Variants in ITGA9 observed in about 807,000 individuals in gnomAD.
ITGA9 encodes integrin subunit alpha 9.
A neutral mutation model predicts 127.8 loss-of-function variants in ITGA9; 56 were observed. The ratio of observed to expected loss-of-function variants is 0.44; its 90% CI spans 0.35 to 0.55. ITGA9 has a LOEUF of 0.55. ITGA9 is among the 20% of genes least tolerant of loss of function. The pLI is 0.00. For synonymous variants in ITGA9, 508 were observed against 514.5 expected, an observed-to-expected ratio of 0.99 and a Z score of 0.17; for missense variants, 1,196 against 1,347.1, an observed-to-expected ratio of 0.89 and a Z score of 1.76.
chr3:37,766,162 C>A (rs1696778015), intron 23 of ITGA9, among the ~76,000 whole-genome samples: 2 of 152,226 alleles, frequency 1.3e-5, no homozygotes, highest in Admixed American at 1.3e-4. Flanking sequence ...TCTCATTTAA[C>A]CTGCCAAGGA....
intron 4 of ITGA9, among the ~76,000 whole-genome samples, chr3:37,485,362 G>A (rs77606339): frequency 0.018 from 2,732 of 152,192 alleles, 70 homozygotes; most frequent in South Asian, 0.081. Flanking sequence ...CACTTCTTGT[G>A]GGATGGTGGA....
chr3:37,779,548 G>A (rs911170010), intron 24 of ITGA9, among the ~76,000 whole-genome samples: 6 of 152,138 alleles, frequency 3.9e-5, no homozygotes, highest in South Asian at 4.1e-4. Context: ...TGTAGGAAAC[G>A]TGTCTGTGTT....
At chr3:37,693,569 A>G (rs1575195491) in intron 18 of ITGA9, among the ~76,000 whole-genome samples, 1 of 152,346 alleles carries the variant, frequency 6.6e-6, no homozygotes, top group Non-Finnish European at 1.5e-5. Flanking sequence ...AGATGGCACC[A>G]GGTGATAAAA....
At chr3:37,583,101 A>G (rs186274306) in intron 15 of ITGA9, among the ~76,000 whole-genome samples, 15 of 152,168 alleles carry the variant, frequency 9.9e-5, no homozygotes, top group African/African-American at 3.6e-4. Flanking sequence ...GTTAACCTAT[A>G]CAATTGCCAA....
At chr3:37,591,091 C>T (rs777902845) in intron 15 of ITGA9, among the ~76,000 whole-genome samples, 25 of 152,116 alleles carry the variant, frequency 1.6e-4, no homozygotes, top group Non-Finnish European at 5.9e-5. Context: ...CCATGCCACC[C>T]CTCCTGCCCC....
chr3:37,616,674 A>C (rs1700077856), intron 15 of ITGA9, among the ~76,000 whole-genome samples: 1 of 152,132 alleles, frequency 6.6e-6, no homozygotes, highest in African/African-American at 2.4e-5. Context: ...TATATTTAGG[A>C]TAGTTAGCTC....
intron 26 of ITGA9, among the ~76,000 whole-genome samples, chr3:37,786,811 A>G (rs1301923570): frequency 1.3e-5 from 2 of 152,200 alleles, no homozygotes; most frequent in African/African-American, 2.4e-5. Context: ...TCTACCCACA[A>G]GATAAGTTGT....
At chr3:37,693,994 G>A (rs1011106779) in intron 18 of ITGA9, among the ~76,000 whole-genome samples, 1 of 152,218 alleles carries the variant, frequency 6.6e-6, no homozygotes, top group Non-Finnish European at 1.5e-5. Flanking sequence ...CCTGGTAAGA[G>A]AGCCCTGAGG....
chr3:37,750,007 A>C (rs1696561372), intron 22 of ITGA9, among the ~76,000 whole-genome samples: 1 of 151,796 alleles, frequency 6.6e-6, no homozygotes, highest in African/African-American at 2.4e-5. Flanking sequence ...CCCACCCTAG[A>C]CCTACTGAGT....
intron 15 of ITGA9, among the ~76,000 whole-genome samples, chr3:37,557,462 T>C (rs1334678075): frequency 6.6e-6 from 1 of 152,176 alleles, no homozygotes; most frequent in African/African-American, 2.4e-5. Flanking sequence ...CAGCCATCCA[T>C]AGGTAGCCTG....
In ITGA9 at chr3:37,572,907, C is replaced by T. The variant is rs915676290; in HGVS notation, c.1689+30322C>T. On this transcript the variant is annotated intron_variant, in intron 15 of 27. Coordinates refer to ENST00000264741, the MANE Select transcript of ITGA9 (RefSeq NM_002207.3). ...TGAAAAGCATGATGGAGTCATAAAT[C>T]ATGTCTGTAAAATGAAGATGTGTAG... Among the ~76,000 whole-genome samples the T allele has an allele frequency of 3.9e-5, 6 of 152,206 alleles. No homozygotes were observed. In the East Asian group the frequency reaches 9.6e-4, roughly 24 times the overall value.
intron 15 of ITGA9, among the ~76,000 whole-genome samples, chr3:37,599,252 C>G (rs1699895165): frequency 6.6e-6 from 1 of 152,178 alleles, no homozygotes; most frequent in Admixed American, 6.5e-5. Context: ...CTGGATAGTT[C>G]TGCTGATCTG....
In ITGA9 at chr3:37,631,208, T is replaced by C. The variant is rs552083668; in HGVS notation, c.1839+1872T>C. 1.2e-4 allele frequency among the ~76,000 whole-genome samples: 19 copies of C among 152,322 alleles called. No homozygotes were observed. The South Asian group carries it at 3.7e-3, about 30-fold the overall frequency. On this transcript the variant is annotated intron_variant, in intron 16 of 27. Transcript: ENST00000264741. ...AGAATTTCAGGGTCCTCTGTGCTTATTTGTTTCTGAATTGACCCAGTGAGG... is the reference window on the plus strand; with the variant it reads ...AGAATTTCAGGGTCCTCTGTGCTTACTTGTTTCTGAATTGACCCAGTGAGG...
At chr3:37,474,957 G>A (rs1579049266) in intron 3 of ITGA9, among the ~76,000 whole-genome samples, 1 of 152,140 alleles carries the variant, frequency 6.6e-6, no homozygotes, top group Non-Finnish European at 1.5e-5. Flanking sequence ...CCCCCTTGTC[G>A]GGCCCCTTGG....
intron 16 of ITGA9, among the ~76,000 whole-genome samples, chr3:37,631,185 A>G (rs1299536682): frequency 6.6e-6 from 1 of 152,188 alleles, no homozygotes; most frequent in Admixed American, 6.5e-5. Flanking sequence ...TCCTGGGAAG[A>G]ATTTCAGGGT....
chr3:37,580,954 C>T (rs1699703670), intron 15 of ITGA9, among the ~76,000 whole-genome samples: 1 of 152,150 alleles, frequency 6.6e-6, no homozygotes. Flanking sequence ...TCACCTGGAA[C>T]TTGAGGTTAA....
chr3:37,642,239 C>T (rs995305824), intron 16 of ITGA9, among the ~76,000 whole-genome samples: 31 of 152,224 alleles, frequency 2.0e-4, no homozygotes, highest in Non-Finnish European at 4.1e-4. Flanking sequence ...AGCCACCGTG[C>T]ATGGCCTTAG....
chr3:37,605,293 G>A (rs575164712), intron 15 of ITGA9, among the ~76,000 whole-genome samples: 1 of 152,264 alleles, frequency 6.6e-6, no homozygotes, highest in East Asian at 1.9e-4. Flanking sequence ...TTCCCTGAGG[G>A]GCCTGGTGGG....
intron 15 of ITGA9, among the ~76,000 whole-genome samples, chr3:37,574,390 G>A (rs963749835): frequency 8.5e-5 from 13 of 152,156 alleles, no homozygotes; most frequent in African/African-American, 3.1e-4. Flanking sequence ...CTGACCTTTG[G>A]GTTAGGATCA....
Sources: gnomAD v4.1 joint callset for allele counts (sites outside exome capture counted in the v4.1 genomes callset) on GRCh38, gnomAD v4.1.1 for gene constraint, MANE v1.5 for transcripts, NCBI Gene and HGNC (gene_info 2026-07-23, HGNC 2026-07-21) for gene names.